The following CNTNAP2 variants were observed in gnomAD, a reference collection of about 807,000 sequenced individuals.
CNTNAP2 encodes the protein contactin-associated protein-like 2.
Under a neutral mutation model 155.2 loss-of-function variants are expected in CNTNAP2, and 98 were observed. That is an observed-to-expected ratio of 0.63 (90% CI 0.54 to 0.75). The LOEUF (loss-of-function observed/expected upper bound fraction) is 0.75. CNTNAP2 is among the 30% of genes least tolerant of loss of function. The pLI is 0.00. For synonymous variants in CNTNAP2, 651 were observed against 631.2 expected, an observed-to-expected ratio of 1.03 and a Z score of -0.47; for missense variants, 1,727 against 1,688.1, an observed-to-expected ratio of 1.02 and a Z score of -0.40.
chr7:146,492,959 C>T (rs1473880023), intron 1 of CNTNAP2, among the ~76,000 whole-genome samples: 2 of 152,064 alleles, frequency 1.3e-5, no homozygotes, highest in Non-Finnish European at 2.9e-5. Context: ...GAGTAAACAA[C>T]ACCAAACAAG....
At chr7:148,291,462 A>G (rs1289632153) in intron 21 of CNTNAP2, among the ~76,000 whole-genome samples, 1 of 152,248 alleles carries the variant, frequency 6.6e-6, no homozygotes, top group East Asian at 1.9e-4. Flanking sequence ...AGCATCCAGC[A>G]CAAGAGAAAG....
At chr7:147,729,528 C>G (rs530588478) in intron 13 of CNTNAP2, among the ~76,000 whole-genome samples, 1 of 149,302 alleles carries the variant, frequency 6.7e-6, no homozygotes, top group African/African-American at 2.4e-5. Context: ...GCTCCTAATT[C>G]ATAGAATTAG....
At chr7:147,046,233 G>A (rs533874072) in intron 4 of CNTNAP2, among the ~76,000 whole-genome samples, 124 of 152,196 alleles carry the variant, frequency 8.1e-4, no homozygotes, top group Admixed American at 2.9e-3. Flanking sequence ...AAAACATCAT[G>A]TCAACACCCC....
intron 13 of CNTNAP2, among the ~76,000 whole-genome samples, chr7:147,652,713 A>G (rs1795466158): frequency 1.3e-5 from 2 of 152,064 alleles, no homozygotes; most frequent in Admixed American, 6.5e-5. Context: ...AAGAAGTTAG[A>G]AAGGAAGGAA....
chr7:147,618,117 T>C (rs1801326473), intron 12 of CNTNAP2, among the ~76,000 whole-genome samples: 1 of 152,122 alleles, frequency 6.6e-6, no homozygotes, highest in Non-Finnish European at 1.5e-5. Context: ...AATTTAAAGA[T>C]ATAGAAAATG....
intron 1 of CNTNAP2, among the ~76,000 whole-genome samples, chr7:146,256,795 A>T: frequency 6.6e-6 from 1 of 152,170 alleles, no homozygotes; most frequent in East Asian, 1.9e-4. Flanking sequence ...TGGGAAAAAA[A>T]AACATGAGAT....
chr7:146,548,958 A>G (rs1215472510), intron 1 of CNTNAP2, among the ~76,000 whole-genome samples: 4 of 151,246 alleles, frequency 2.6e-5, no homozygotes, highest in South Asian at 2.1e-4. Flanking sequence ...AAGTTTTCCC[A>G]TATGTTTTCA....
At chr7:147,820,998 A>C (rs1429444879) in intron 13 of CNTNAP2, among the ~76,000 whole-genome samples, 2 of 152,150 alleles carry the variant, frequency 1.3e-5, no homozygotes, top group African/African-American at 4.8e-5. Flanking sequence ...TAATATGTCT[A>C]GCTTTTGTCT....
At chr7:146,348,216 C>T (rs1261778910) in intron 1 of CNTNAP2, among the ~76,000 whole-genome samples, 1 of 151,960 alleles carries the variant, frequency 6.6e-6, no homozygotes, top group Non-Finnish European at 1.5e-5. Flanking sequence ...GTCAGGAGTT[C>T]AAGATCAGCC....
At chr7:146,498,271 A>G (rs1292275005) in intron 1 of CNTNAP2, among the ~76,000 whole-genome samples, 1 of 152,164 alleles carries the variant, frequency 6.6e-6, no homozygotes, top group Non-Finnish European at 1.5e-5. Flanking sequence ...TCCCTTCAGG[A>G]ACTGTAATGA....
chr7:146,455,431 A>G (rs1796541768), intron 1 of CNTNAP2, among the ~76,000 whole-genome samples: 1 of 152,092 alleles, frequency 6.6e-6, no homozygotes, highest in South Asian at 2.1e-4. Flanking sequence ...TTTCAATTTC[A>G]AAATGTGGAC....
intron 13 of CNTNAP2, among the ~76,000 whole-genome samples, chr7:147,805,993 G>A (rs1394616737): frequency 1.3e-5 from 2 of 152,130 alleles, no homozygotes; most frequent in Non-Finnish European, 2.9e-5. Context: ...AAGCAAAAAT[G>A]GAGAAGTAGG....
intron 1 of CNTNAP2, among the ~76,000 whole-genome samples, chr7:146,706,955 T>A (rs1585050726): frequency 6.6e-6 from 1 of 151,628 alleles, no homozygotes; most frequent in African/African-American, 2.4e-5. Context: ...CACTGGACTC[T>A]ACTATTTGAA....
intron 1 of CNTNAP2, among the ~76,000 whole-genome samples, chr7:146,254,168 A>C (rs975826435): frequency 4.8e-5 from 7 of 146,490 alleles, no homozygotes; most frequent in African/African-American, 1.6e-4. Flanking sequence ...CACACAAGCA[A>C]ACACACACAA....
chr7:147,422,290 C>CATATAT (rs963616846), intron 10 of CNTNAP2, among the ~76,000 whole-genome samples: 6 of 150,356 alleles, frequency 4.0e-5, no homozygotes, highest in Non-Finnish European at 5.9e-5. Flanking sequence ...ACACACTGAG[C>CATATAT]ATATATTCAT....
chr7:148,096,240 A>G (rs1803965145), intron 15 of CNTNAP2, among the ~76,000 whole-genome samples: 1 of 151,702 alleles, frequency 6.6e-6, no homozygotes, highest in African/African-American at 2.4e-5. Context: ...TCGTTTGTCA[A>G]GATTCTTAAG....
At chr7:146,226,053 G>T (rs1187990323) in intron 1 of CNTNAP2, among the ~76,000 whole-genome samples, 1 of 152,168 alleles carries the variant, frequency 6.6e-6, no homozygotes, top group African/African-American at 2.4e-5. Flanking sequence ...AACAGATTTA[G>T]CTCTAATCCC....
chr7:148,092,686 C>A (rs556689756), intron 15 of CNTNAP2, among the ~76,000 whole-genome samples: 1 of 152,212 alleles, frequency 6.6e-6, no homozygotes, highest in African/African-American at 2.4e-5. Flanking sequence ...GATGTACCTC[C>A]AATCTCTCAA....
At chr7:148,114,415 G>T (rs1361253327) in intron 15 of CNTNAP2, among the ~76,000 whole-genome samples, 5 of 152,214 alleles carry the variant, frequency 3.3e-5, no homozygotes, top group Admixed American at 2.6e-4. Flanking sequence ...CTTATGTATT[G>T]ATTGAATAAT....
Sources: allele counts gnomAD v4.1 joint callset (sites outside exome capture counted in the v4.1 genomes callset), GRCh38; gene constraint gnomAD v4.1.1; transcripts MANE v1.5; gene names NCBI Gene and HGNC (gene_info 2026-07-23, HGNC 2026-07-21).